PTPN22: variants seen among roughly 807,000 people sequenced by gnomAD.
PTPN22 encodes the protein protein tyrosine phosphatase non-receptor type 22, also known as tyrosine-protein phosphatase non-receptor type 22.
Under a neutral mutation model 103.3 loss-of-function variants are expected in PTPN22, and 85 were observed. The observed-to-expected ratio is 0.82, with a 90% confidence interval of 0.69 to 0.99. The LOEUF (loss-of-function observed/expected upper bound fraction) is 0.99. Among genes scored for constraint, PTPN22 ranks in the 50% least tolerant of loss-of-function variants. PTPN22 has a pLI of 0.00. For missense variants in PTPN22, 865 were observed against 936.9 expected, an observed-to-expected ratio of 0.92 and a Z score of 1.00; for synonymous variants, 323 against 310.2, an observed-to-expected ratio of 1.04 and a Z score of -0.43.
intron 1 of PTPN22, among the ~76,000 whole-genome samples, chr1:113,870,692 A>G (rs1185984373): frequency 6.6e-6 from 1 of 152,148 alleles, no homozygotes; most frequent in Non-Finnish European, 1.5e-5. Context: ...TTGAAAAAAC[A>G]CATGTTATAA....
intron 10 of PTPN22, among the ~76,000 whole-genome samples, chr1:113,850,913 A>T (rs921543886): frequency 2.6e-5 from 4 of 152,238 alleles, no homozygotes; most frequent in African/African-American, 7.2e-5. Context: ...CTGTTAATAA[A>T]CATCAATACA....
At chr1:113,863,927 AT>A (rs1192566742) in intron 1 of PTPN22, among the ~76,000 whole-genome samples, 2 of 118,622 alleles carry the variant, frequency 1.7e-5, no homozygotes, top group African/African-American at 3.0e-5. Context: ...ATATATATAT[AT>A]TTTTTTTTGA....
chr1:113,836,375 A>G (rs1247367471), intron 13 of PTPN22, among the ~76,000 whole-genome samples: 1 of 152,234 alleles, frequency 6.6e-6, no homozygotes, highest in African/African-American at 2.4e-5. Context: ...AGAATTATAA[A>G]AGAGACAAAA....
chr1:113,854,851 G>A, intron 8 of PTPN22, 56 bp downstream of exon 8: 1 of 1,564,402 alleles, frequency 6.4e-7, no homozygotes, highest in Non-Finnish European at 8.7e-7. Context: ...CACAGTCCTG[G>A]CCAGACTCTG....
chr1:113,854,847 C>G, intron 8 of PTPN22, 60 bp downstream of exon 8: 1 of 1,554,834 alleles, frequency 6.4e-7, no homozygotes, highest in Admixed American at 1.8e-5. Flanking sequence ...ATTACACAGT[C>G]CTGGCCAGAC....
chr1:113,848,453 T>A, intron 11 of PTPN22, 87 bp downstream of exon 11: 1 of 1,589,322 alleles, frequency 6.3e-7, no homozygotes, highest in Non-Finnish European at 8.6e-7. Context: ...GTTGTGACAA[T>A]AGATAAATCC....
At chr1:113,854,782 T>C in intron 8 of PTPN22, 125 bp downstream of exon 8, 1 of 1,256,958 alleles carries the variant, frequency 8.0e-7, no homozygotes, top group Middle Eastern at 2.0e-4. Flanking sequence ...ATGAATTTAA[T>C]GCTTAGGTTG....
chr1:113,862,779 G>A (rs973192442), intron 1 of PTPN22, among the ~76,000 whole-genome samples: 8 of 152,204 alleles, frequency 5.3e-5, no homozygotes, highest in African/African-American at 1.9e-4. Context: ...TGCAAATATA[G>A]GTCAGTATTA....
chr1:113,855,503 C>CAAAAAA (rs58516952), intron 7 of PTPN22, among the ~76,000 whole-genome samples: 3 of 84,432 alleles, frequency 3.6e-5, no homozygotes, highest in African/African-American at 9.8e-5. Context: ...GACTCTGTCT[C>CAAAAAA]AAAAAAAAAA....
At chr1:113,824,935 C>T (rs1661914144) in intron 19 of PTPN22, among the ~76,000 whole-genome samples, 1 of 148,468 alleles carries the variant, frequency 6.7e-6, no homozygotes, top group Admixed American at 6.7e-5. Flanking sequence ...ATCGCCTACT[C>T]CCTGCCCAAT....
chr1:113,820,762 T>G (rs1661527762), intron 19 of PTPN22, among the ~76,000 whole-genome samples: 1 of 152,120 alleles, frequency 6.6e-6, no homozygotes, highest in African/African-American at 2.4e-5. Flanking sequence ...TGTTTTTGTG[T>G]TGTTTTCAAC....
chr1:113,839,024 G>A (rs915716514), intron 11 of PTPN22, among the ~76,000 whole-genome samples: 1 of 152,044 alleles, frequency 6.6e-6, no homozygotes, highest in Non-Finnish European at 1.5e-5. Context: ...CTATGCTCTA[G>A]GTATACTGGT....
intron 1 of PTPN22, among the ~76,000 whole-genome samples, chr1:113,868,549 A>C (rs1666309146): frequency 6.6e-6 from 1 of 152,204 alleles, no homozygotes; most frequent in Non-Finnish European, 1.5e-5. Flanking sequence ...TGAAACCTTT[A>C]GATGGAGCTG....
chr1:113,836,121 C>A (rs1414929093), intron 13 of PTPN22, among the ~76,000 whole-genome samples: 1 of 152,218 alleles, frequency 6.6e-6, no homozygotes, highest in Non-Finnish European at 1.5e-5. Context: ...ATGATCTACA[C>A]AACTATTTAT....
intron 19 of PTPN22, among the ~76,000 whole-genome samples, chr1:113,821,431 C>A (rs1181975987): frequency 1.3e-5 from 2 of 152,134 alleles, no homozygotes; most frequent in East Asian, 3.8e-4. Context: ...AAGCGATTCT[C>A]CTGCCTCAGC....
intron 19 of PTPN22, among the ~76,000 whole-genome samples, chr1:113,820,697 T>C (rs1260156235): frequency 6.6e-6 from 1 of 152,164 alleles, no homozygotes; most frequent in African/African-American, 2.4e-5. Context: ...AAAAAGATAA[T>C]TTCAGGTTTG....
At chr1:113,818,097 A>C (rs976241975) in intron 20 of PTPN22, among the ~76,000 whole-genome samples, 1 of 151,674 alleles carries the variant, frequency 6.6e-6, no homozygotes, top group Admixed American at 6.6e-5. Flanking sequence ...CTTTTTTCAT[A>C]GTTTTTACAA....
In PTPN22 at chr1:113,854,618, C is replaced by T. The variant is rs1664887665; in HGVS notation, c.684-81G>A. The T allele has an allele frequency of 2.0e-5, 27 of 1,383,044 alleles. No homozygotes were observed. The South Asian group carries it at 3.2e-4, about 17-fold the overall frequency. The allele number at this position is 1,383,044 out of a possible 1,614,324, so 85.7% of individuals were successfully genotyped here. A position where few individuals can be genotyped will look rare whatever the true frequency, so the allele number is the denominator to read the frequency against. On this transcript the variant is annotated intron_variant, in intron 8 of 20. Coordinates refer to ENST00000359785, the Ensembl canonical transcript of PTPN22. Reference sequence around the variant, plus strand: ...ATTGACAGTAGCTGGAAAATTTCACCAGCAGATTTGAGGAAGAAGATACCT... The same window carrying T: ...ATTGACAGTAGCTGGAAAATTTCACTAGCAGATTTGAGGAAGAAGATACCT...
chr1:113,838,204 G>C, exon 13 of PTPN22: 3 of 1,614,032 alleles, frequency 1.9e-6, no homozygotes, highest in Non-Finnish European at 2.5e-6. Flanking sequence ...AAATGCCTTT[G>C]TCTGCCATTT....
Sources: gnomAD v4.1 joint callset for allele counts (sites outside exome capture counted in the v4.1 genomes callset) on GRCh38, gnomAD v4.1.1 for gene constraint, MANE v1.5 for transcripts, NCBI Gene and HGNC (gene_info 2026-07-23, HGNC 2026-07-21) for gene names.